The following FRMD4A variants were observed in gnomAD, a reference collection of about 807,000 sequenced individuals.
FRMD4A encodes the protein FERM domain containing 4A.
Under a neutral mutation model 129.1 loss-of-function variants are expected in FRMD4A, and 29 were observed. The ratio of observed to expected loss-of-function variants is 0.22; its 90% CI spans 0.17 to 0.31. The LOEUF (loss-of-function observed/expected upper bound fraction) is 0.31. Among genes scored for constraint, FRMD4A ranks in the 10% least tolerant of loss-of-function variants. The probability of loss-of-function intolerance (pLI) is 1.00; values close to 1 mark genes in which losing one functional copy is unlikely to be tolerated. For synonymous variants in FRMD4A, 634 were observed against 571.6 expected, an observed-to-expected ratio of 1.11 and a Z score of -1.56; for missense variants, 1,272 against 1,375.8, an observed-to-expected ratio of 0.92 and a Z score of 1.19.
chr10:14,089,630 C>CAAAAAAAAAAAAAAAA (rs59553317), intron 2 of FRMD4A, among the ~76,000 whole-genome samples: 4 of 130,712 alleles, frequency 3.1e-5, no homozygotes, highest in Admixed American at 1.6e-4. Flanking sequence ...AAAAAAAAAA[C>CAAAAAAAAAAAAAAAA]AAAAAAAAAC....
At chr10:14,151,832 T>C (rs2131855669) in intron 2 of FRMD4A, among the ~76,000 whole-genome samples, 1 of 152,258 alleles carries the variant, frequency 6.6e-6, no homozygotes, top group East Asian at 1.9e-4. Flanking sequence ...CCTTTGTTTT[T>C]AAAGGGCAGC....
intron 5 of FRMD4A, among the ~76,000 whole-genome samples, chr10:13,788,474 C>T (rs887644344): frequency 6.6e-6 from 1 of 152,254 alleles, no homozygotes; most frequent in Non-Finnish European, 1.5e-5. Flanking sequence ...GGTGTGGCCC[C>T]TTCTCCCAGG....
intron 2 of FRMD4A, among the ~76,000 whole-genome samples, chr10:14,033,582 CA>C (rs1394266460): frequency 6.6e-6 from 1 of 152,014 alleles, no homozygotes; most frequent in Non-Finnish European, 1.5e-5. Flanking sequence ...CTCAGAAGTT[CA>C]AGACCAGCCT....
chr10:13,658,244 C>A (rs2082344508), intron 21 of FRMD4A, among the ~76,000 whole-genome samples: 1 of 149,550 alleles, frequency 6.7e-6, no homozygotes, highest in Non-Finnish European at 1.5e-5. Context: ...TAACCAAATA[C>A]TATTACATGA....
At chr10:13,658,442 C>A (rs894651409) in intron 21 of FRMD4A, among the ~76,000 whole-genome samples, 1 of 152,210 alleles carries the variant, frequency 6.6e-6, no homozygotes, top group Non-Finnish European at 1.5e-5. Flanking sequence ...TGATGTTGCC[C>A]GATGCTGGGA....
chr10:13,694,085 C>T lies in FRMD4A; in HGVS notation c.976-46G>A, dbSNP rs200406670. On this transcript the variant is annotated intron_variant, in intron 14 of 24. Transcript: ENST00000357447. ...GGTCAAAGAAGTGACGCTCACCTTG[C>T]GGAAAGGACAGTCATCCCTCGCCCG... 332 of 1,476,856 alleles carry T rather than the reference C, an allele frequency of 2.2e-4. 4 individuals carry two copies. The highest frequency in any genetic ancestry group is 2.0e-3 in the Middle Eastern group (11 of 5,496). The allele number at this position is 1,476,856 out of a possible 1,614,324, so 91.5% of individuals were successfully genotyped here. A position where few individuals can be genotyped will look rare whatever the true frequency, so the allele number is the denominator to read the frequency against.
chr10:14,230,233 A>G (rs1405575198), intron 2 of FRMD4A, among the ~76,000 whole-genome samples: 1 of 152,138 alleles, frequency 6.6e-6, no homozygotes, highest in Non-Finnish European at 1.5e-5. Flanking sequence ...GCATCTTGGG[A>G]CAAAAACACC....
At chr10:14,094,326 C>T (rs1479393210) in intron 2 of FRMD4A, among the ~76,000 whole-genome samples, 1 of 152,180 alleles carries the variant, frequency 6.6e-6, no homozygotes. Context: ...CCCCAGTCAA[C>T]ATGGAAGGCA....
At chr10:14,084,671 C>T (rs1836153287) in intron 2 of FRMD4A, among the ~76,000 whole-genome samples, 1 of 152,184 alleles carries the variant, frequency 6.6e-6, no homozygotes, top group Non-Finnish European at 1.5e-5. Context: ...TATCAGGGTC[C>T]TGCCATATGG....
intron 2 of FRMD4A, among the ~76,000 whole-genome samples, chr10:14,092,092 G>A (rs1021029137): frequency 1.3e-5 from 2 of 152,084 alleles, no homozygotes; most frequent in East Asian, 1.9e-4. Context: ...TTTCTACCCC[G>A]ACTCAAATCT....
At chr10:14,316,337 C>A (rs1846736971) in intron 2 of FRMD4A, among the ~76,000 whole-genome samples, 1 of 152,000 alleles carries the variant, frequency 6.6e-6, no homozygotes, top group Non-Finnish European at 1.5e-5. Flanking sequence ...GTGAGTTCAG[C>A]CCCCTCTTGC....
chr10:13,885,627 C>T (rs1020612360), intron 2 of FRMD4A, among the ~76,000 whole-genome samples: 1 of 152,218 alleles, frequency 6.6e-6, no homozygotes, highest in African/African-American at 2.4e-5. Flanking sequence ...CACATATGCA[C>T]GTGGTTTGTA....
At chr10:13,773,284 C>T (rs764313972) in intron 6 of FRMD4A, among the ~76,000 whole-genome samples, 13 of 152,168 alleles carry the variant, frequency 8.5e-5, no homozygotes, top group Non-Finnish European at 1.9e-4. Flanking sequence ...TTCTCCTTTT[C>T]AAAAAGAGCA....
chr10:13,729,416 T>C (rs910137917), intron 12 of FRMD4A: 2 of 152,138 alleles, frequency 1.3e-5, no homozygotes, highest in Non-Finnish European at 2.9e-5. Flanking sequence ...AAGAGAACGA[T>C]AAATCCGCGG....
At chr10:13,853,935 T>C (rs895799552) in intron 3 of FRMD4A, among the ~76,000 whole-genome samples, 1 of 151,780 alleles carries the variant, frequency 6.6e-6, no homozygotes, top group Non-Finnish European at 1.5e-5. Context: ...GAAGCCTGTC[T>C]AGCAGTAGAA....
chr10:13,750,121 A>AAAGAAAGAAATG (rs1554880690), intron 8 of FRMD4A, among the ~76,000 whole-genome samples: 181 of 131,452 alleles, frequency 1.4e-3, no homozygotes, highest in African/African-American at 1.5e-3. Context: ...AGAAAGAAAG[A>AAAGAAAGAAATG]AAGAAAGAAA....
At chr10:13,778,467 C>G (rs2092654931) in intron 6 of FRMD4A, among the ~76,000 whole-genome samples, 1 of 152,110 alleles carries the variant, frequency 6.6e-6, no homozygotes, top group South Asian at 2.1e-4. Flanking sequence ...GAGGTCTTTT[C>G]ACAGAACTGA....
chr10:14,088,922 A>G (rs1836469815), intron 2 of FRMD4A, among the ~76,000 whole-genome samples: 1 of 152,054 alleles, frequency 6.6e-6, no homozygotes, highest in Admixed American at 6.5e-5. Context: ...GTGGAGGAGC[A>G]GGGGCGGGGA....
Position 13,715,837 on chromosome 10 carries a change from C to T in FRMD4A, c.760-8724G>A, listed in dbSNP as rs56005322. Among the ~76,000 whole-genome samples, 155 of 143,492 alleles carry T rather than the reference C, an allele frequency of 1.1e-3. 1 individual carries two copies. Among genetic ancestry groups the T allele is most frequent in the African/African-American group, 3.9e-3 (148 of 38,190 alleles). 94.1% of individuals were successfully genotyped at this position (143,492 alleles called of 152,430 possible). A position where few individuals can be genotyped will look rare whatever the true frequency, so the allele number is the denominator to read the frequency against. On this transcript the variant is annotated intron_variant, in intron 12 of 24. Transcript: ENST00000357447. ...AGCAGAATTGCTTGAATTCGGGAGG[C>T]GGAGGTTGCAGTGAGCAGAGACGTG...
Sources: gnomAD v4.1 joint callset for allele counts (sites outside exome capture counted in the v4.1 genomes callset) on GRCh38, gnomAD v4.1.1 for gene constraint, MANE v1.5 for transcripts, NCBI Gene and HGNC (gene_info 2026-07-23, HGNC 2026-07-21) for gene names.